PPM1M: variants seen among roughly 807,000 people sequenced by gnomAD.
The protein encoded by PPM1M is protein phosphatase, Mg2+/Mn2+ dependent 1M.
PPM1M carries 44 observed loss-of-function variants against 50.8 expected under a neutral mutation model. The observed-to-expected ratio is 0.87, with a 90% CI of 0.68 to 1.11. The LOEUF (loss-of-function observed/expected upper bound fraction) is 1.11, where lower values mean the gene tolerates loss of function less well. PPM1M is among the 50% of genes most tolerant of loss of function. PPM1M has a pLI of 0.00. For missense variants in PPM1M, 556 were observed against 593.4 expected (o/e 0.94, Z 0.66); for synonymous variants, 224 against 242.9 (o/e 0.92, Z 0.72).
chr3:52,246,159 G>C (rs1344989127), intron 1 of PPM1M, 111 bp downstream of exon 1: 1 of 1,029,620 alleles, frequency 9.7e-7, no homozygotes, highest in African/African-American at 1.7e-5. Flanking sequence ...CCCACCTGTG[G>C]ACAGCCCCTT....
rs1699844787 is a variant in PPM1M, at chr3:52,245,824, C to T, written c.-1C>T. 9.7e-7 allele frequency: 1 copy of T among 1,034,998 alleles called. No homozygotes were observed. Among genetic ancestry groups the T allele is most frequent in the Non-Finnish European group, 1.2e-6 (1 of 861,732 alleles). 64.1% of individuals were successfully genotyped at this position (1,034,998 alleles called of 1,614,324 possible). ...CGCGGGCAGCCCCCTGCCGCCGCGC[C>T]ATGTCCGCCGGCTGGTTCCGGCGCC... On this transcript the variant is annotated 5_prime_UTR_variant, in exon 1 of 10. Coordinates refer to ENST00000323588, the MANE Select transcript of PPM1M (RefSeq NM_144641.4). This position sits in a 1 kb window ranked among gnomAD's most constrained non-coding sequence, Gnocchi z 4.8.
At chr3:52,248,098 CATGGGTGAGGGTGGAG>C in intron 4 of PPM1M, 39 bp from the exon 5 acceptor site, 1 of 1,471,444 alleles carries the variant, frequency 6.8e-7, no homozygotes. Context: ...GGAGGGTGGC[CATGGGTGAGGGTGGAG>C]GCCTCCTCCT....
intron 1 of PPM1M, chr3:52,246,257 C>CAGGA: frequency 9.8e-7 from 1 of 1,023,224 alleles, no homozygotes. Context: ...TCAGAGAAGA[C>CAGGA]AGGAGGTCGG....
Position 52,246,063 on chromosome 3 carries a change from C to G in PPM1M, c.224+15C>G. On this transcript the variant is annotated intron_variant, in intron 1 of 9. Coordinates refer to ENST00000323588, the MANE Select transcript of PPM1M (RefSeq NM_144641.4). ...GGCTACGCCGAGTGAGTGCCCCTCC[C>G]CGACCCCCAGCTCAGGCCCGGGCCT... 1 of 1,104,990 alleles carries G rather than the reference C, an allele frequency of 9.0e-7. No individual in the cohort carries two copies. Among genetic ancestry groups the G allele is most frequent in the Non-Finnish European group, 1.1e-6 (1 of 890,130 alleles). The allele number at this position is 1,104,990 out of a possible 1,614,324, so 68.4% of individuals were successfully genotyped here. A position where few individuals can be genotyped will look rare whatever the true frequency, so the allele number is the denominator to read the frequency against.
In PPM1M at chr3:52,249,770, G is replaced by A. The variant is rs1210722855; in HGVS notation, c.1336G>A (p.Val446Met). 5 of 1,613,690 alleles carry A rather than the reference G, an allele frequency of 3.1e-6. No homozygotes were observed. Among genetic ancestry groups the A allele is most frequent in the Admixed American group, 1.7e-5 (1 of 59,988 alleles). The change falls in exon 10 of 10, where the codon GTG (valine) becomes ATG (methionine). Residue 446 changes from valine to methionine, a missense_variant. Val to Met is a conservative substitution (Grantham distance 21). Coordinates refer to ENST00000323588, the MANE Select transcript of PPM1M (RefSeq NM_144641.4). ...GTCCTACGATGACGTCTCTGTGTTC[G>A]TGATTCCCTTGCACAGTCAGGGCCA... The part of the protein sequence containing the change: ...QVSYDDVSVF[V>M]IPLHSQGQES...
intron 1 of PPM1M, 167 bp from the exon 2 acceptor site, chr3:52,246,528 T>C (rs1057182841): frequency 5.9e-5 from 29 of 492,420 alleles, no homozygotes; most frequent in Non-Finnish European, 8.9e-5. Flanking sequence ...ATGAGGCCAG[T>C]GAAGTTAGGA....
At position 52,245,831 on chromosome 3, in the gene PPM1M, G is replaced by A; in HGVS notation, c.7G>A (p.Ala3Thr). 1 of 1,047,910 alleles carries A rather than the reference G, an allele frequency of 9.5e-7. No individual in the cohort carries two copies. Among genetic ancestry groups the A allele is most frequent in the Non-Finnish European group, 1.2e-6 (1 of 867,782 alleles). 64.9% of individuals were successfully genotyped at this position (1,047,910 alleles called of 1,614,324 possible). A position where few individuals can be genotyped will look rare whatever the true frequency, so the allele number is the denominator to read the frequency against. The change falls in exon 1 of 10, where the codon GCC becomes ACC. Residue 3 changes from alanine to threonine, a missense_variant. Ala to Thr is a moderately conservative substitution (Grantham distance 58). Transcript: ENST00000323588. The surrounding 1 kb of genome is among the most constrained non-coding windows in gnomAD (Gnocchi z 4.8). Reference protein sequence around the residue: MSAGWFRRRFLPG... With the variant: MSTGWFRRRFLPG... ...AGCCCCCTGCCGCCGCGCCATGTCC[G>A]CCGGCTGGTTCCGGCGCCGCTTCCT...
At position 52,249,031 on chromosome 3, in the gene PPM1M, C is replaced by T; in HGVS notation, c.1054C>T (p.Gln352Ter). 1 of 1,611,158 alleles carries T rather than the reference C, an allele frequency of 6.2e-7. No individual in the cohort carries two copies. The highest frequency in any genetic ancestry group is 8.5e-7 in the Non-Finnish European group (1 of 1,178,684). ...GCTCAGAGTCCTGGACACAAACATC[C>T]AGCTCAAGCCCTTCTTGCTCTCTGT... ...HQLRVLDTNI[Q>*]LKPFLLSVPQ... is the part of the protein sequence containing the mutation. Residue 352 changes from glutamine to a stop codon, truncating the protein, a stop_gained, in exon 8 of 10, where the codon CAG (glutamine) becomes TAG (stop). Transcript: ENST00000323588. LOFTEE classifies it high-confidence loss of function.
rs1276698079 is a variant in PPM1M at position 52,246,987 on chromosome 3, A to G, written c.356A>G (p.His119Arg). 4.5e-6 allele frequency: 7 copies of G among 1,544,218 alleles called. No homozygotes were observed. The East Asian group carries it at 7.4e-5, about 16-fold the overall frequency. Residue 119 changes from histidine to arginine, a missense_variant, in exon 3 of 10, where the codon CAT becomes CGT. Physicochemically the swap from His to Arg is conservative, Grantham distance 29. Transcript: ENST00000323588. ...TLCPEEFLTG[H>R]YWALFDGHGG... ...CTTCCTGTGCAGTTCCTGACAGGCCATTACTGGGCACTGTTCGATGGGCAC... is the reference window on the plus strand; with the variant it reads ...CTTCCTGTGCAGTTCCTGACAGGCCGTTACTGGGCACTGTTCGATGGGCAC...
intron 4 of PPM1M, 142 bp downstream of exon 4, chr3:52,247,936 G>A: frequency 1.3e-6 from 1 of 740,976 alleles, no homozygotes. Context: ...TATGTGTCGA[G>A]TGTGGACAGT....
In PPM1M at chr3:52,248,661, G is replaced by C. The variant is rs144497405; in HGVS notation, c.939G>C (p.Ser313=). The C allele has an allele frequency of 1.2e-6, 2 of 1,613,744 alleles. No homozygotes were observed. The highest frequency in any genetic ancestry group is 1.3e-5 in the African/African-American group (1 of 74,882). The change falls in exon 7 of 10, where the codon TCG becomes TCC. Residue 313 remains serine (S), a synonymous_variant. Coordinates refer to ENST00000323588, the MANE Select transcript of PPM1M (RefSeq NM_144641.4). Reference sequence around the variant, plus strand: ...GGAGCTACAAACGTGTGGAGAAATCGGATCTCAAGTACCCACTGATCCATG... The same window carrying C: ...GGAGCTACAAACGTGTGGAGAAATCCGATCTCAAGTACCCACTGATCCATG... ...SGWSYKRVEK[S]DLKYPLIHGQ...
At chr3:52,246,436 G>C in intron 1 of PPM1M, 2 of 945,844 alleles carry the variant, frequency 2.1e-6, no homozygotes, top group Non-Finnish European at 2.7e-6. Flanking sequence ...ACAGGGGCAG[G>C]AATGGCAACC....
intron 4 of PPM1M, 73 bp from the exon 5 acceptor site, chr3:52,248,080 G>C: frequency 7.8e-7 from 1 of 1,285,854 alleles, no homozygotes; most frequent in South Asian, 1.3e-5. Flanking sequence ...TTGGAGGAGG[G>C]ACTGGTAGGA....
intron 9 of PPM1M, 113 bp from the exon 10 acceptor site, chr3:52,249,557 C>T (rs1461904051): frequency 2.0e-5 from 29 of 1,473,646 alleles, no homozygotes; most frequent in East Asian, 4.7e-5. Context: ...GGTCCACAGT[C>T]GGACTGCATT....
chr3:52,249,968 A>G lies in PPM1M; in HGVS notation c.*154A>G, dbSNP rs1699935988. 1.5e-6 allele frequency: 1 copy of G among 677,524 alleles called. No individual in the cohort carries two copies. The highest frequency in any genetic ancestry group is 1.8e-5 in the African/African-American group (1 of 56,174). 42.0% of individuals were successfully genotyped at this position (677,524 alleles called of 1,614,324 possible). A position where few individuals can be genotyped will look rare whatever the true frequency, so the allele number is the denominator to read the frequency against. On this transcript the variant is annotated 3_prime_UTR_variant, in exon 10 of 10. Transcript: ENST00000323588. Reference sequence around the variant, plus strand: ...TCAACACACATCCATCTCAAGAGGAACATTTATACCAGGCAGTCAGAGCTG... The same window carrying G: ...TCAACACACATCCATCTCAAGAGGAGCATTTATACCAGGCAGTCAGAGCTG...
chr3:52,249,455 T>C, intron 9 of PPM1M, 133 bp downstream of exon 9: 1 of 1,326,646 alleles, frequency 7.5e-7, no homozygotes, highest in Non-Finnish European at 1.1e-6. Context: ...TCAAGCTTCT[T>C]GGAGGAGGCA....
chr3:52,248,550 T>C, intron 6 of PPM1M, 87 bp from the exon 7 acceptor site: 1 of 1,584,040 alleles, frequency 6.3e-7, no homozygotes, highest in Non-Finnish European at 8.7e-7. Flanking sequence ...AGGGTGGCAC[T>C]GTGAGGGTGT....
intron 9 of PPM1M, 128 bp downstream of exon 9, chr3:52,249,450 CT>C: frequency 7.4e-6 from 10 of 1,346,020 alleles, no homozygotes; most frequent in Non-Finnish European, 1.0e-5. Context: ...CTGTCTCAAG[CT>C]TCTTGGAGGA....
rs1303890882 is a variant in PPM1M at position 52,249,189 on chromosome 3, G to A, written c.1102G>A (p.Val368Met). 5.6e-6 allele frequency: 9 copies of A among 1,613,862 alleles called. No homozygotes were observed. The highest frequency in any genetic ancestry group is 5.1e-6 in the Non-Finnish European group (6 of 1,179,780). The change falls in exon 9 of 10, where the codon GTG (valine) becomes ATG (methionine). Residue 368 changes from valine to methionine, a missense_variant. Val to Met is a conservative substitution (Grantham distance 21). Transcript: ENST00000323588. ...TAATTTGTAGGTGACTGTGCTGGAT[G>A]TGGACCAGCTGGAGCTACAGGAGGA... is the stretch of plus-strand genomic sequence containing the variant. ...LSVPQVTVLD[V>M]DQLELQEDDV...
Sources: gnomAD v4.1 joint callset for allele counts on GRCh38, gnomAD v4.1.1 for gene constraint, Gnocchi (gnomAD v3.1) non-coding constraint, MANE v1.5 for transcripts, NCBI Gene and HGNC (gene_info 2026-07-23, HGNC 2026-07-21) for gene names.